The following PLAAT3 variants were observed in gnomAD, a reference collection of about 807,000 sequenced individuals.
The protein encoded by PLAAT3 is phospholipase A and acyltransferase 3.
In PLAAT3, 21 loss-of-function variants were observed where a neutral mutation model predicts 16.7. That is an observed-to-expected ratio of 1.26 (90% CI 0.89 to 1.81). The LOEUF is 1.81. Among genes scored for constraint, PLAAT3 ranks in the 40% most tolerant of loss-of-function variants. The probability of loss-of-function intolerance (pLI) is 0.00; values close to 1 mark genes in which losing one functional copy is unlikely to be tolerated. For synonymous variants in PLAAT3, 76 were observed against 81.7 expected, an observed-to-expected ratio of 0.93 and a Z score of 0.38; for missense variants, 219 against 213.7, an observed-to-expected ratio of 1.02 and a Z score of -0.16.
chr11:63,609,987 C>T (rs762419889), intron 2 of PLAAT3, among the ~76,000 whole-genome samples: 34 of 152,132 alleles, frequency 2.2e-4, no homozygotes, highest in Non-Finnish European at 4.0e-4. Context: ...TTATAAGAGC[C>T]CCATGTTACC....
At chr11:63,584,600 G>A (rs112321935) in intron 4 of PLAAT3, among the ~76,000 whole-genome samples, 3,871 of 148,802 alleles carry the variant, frequency 0.026, 178 homozygotes, top group African/African-American at 0.09. Context: ...TGCAAGCTCC[G>A]CCTCCTGGGT....
At chr11:63,576,028 T>G (rs1320621690) in intron 4 of PLAAT3, among the ~76,000 whole-genome samples, 1 of 152,032 alleles carries the variant, frequency 6.6e-6, no homozygotes, top group Non-Finnish European at 1.5e-5. Context: ...AAACAAGGGA[T>G]TGAGAGATTG....
intron 2 of PLAAT3, among the ~76,000 whole-genome samples, chr11:63,601,002 T>A (rs1336519812): frequency 6.6e-6 from 1 of 151,800 alleles, no homozygotes; most frequent in Non-Finnish European, 1.5e-5. Flanking sequence ...ATAACTTAAT[T>A]TTTTTTAAGA....
In PLAAT3 at chr11:63,582,609, CCACGA is replaced by C. The variant is rs372519434; in HGVS notation, c.387+7486_387+7490del. On this transcript the variant is annotated intron_variant, in intron 4 of 4. Transcript: ENST00000415826. ...ACAGAAAGGAAACTATCACAATTCA[CCACGA>C]CACTCAGCTGTGAGTTTTCTCATCA... Among the ~76,000 whole-genome samples the C allele has an allele frequency of 3.3e-3, 510 of 152,308 alleles. 6 individuals carry two copies. Among genetic ancestry groups the C allele is most frequent in the African/African-American group, 0.012 (491 of 41,554 alleles).
In PLAAT3 at chr11:63,613,987, G is replaced by T; in HGVS notation, c.15+13C>A. 1.1e-5 allele frequency: 15 copies of T among 1,425,288 alleles called. No homozygotes were observed. Among genetic ancestry groups the T allele is most frequent in the South Asian group, 2.3e-5 (2 of 87,248 alleles). 88.3% of individuals were successfully genotyped at this position (1,425,288 alleles called of 1,614,324 possible). A position where few individuals can be genotyped will look rare whatever the true frequency, so the allele number is the denominator to read the frequency against. Reference sequence around the variant, plus strand: ...TCCCAGCCCCGCCCAGCCCCGCCTCGCCCCGCACTTACAATGGGCGCACGC... The same window carrying T: ...TCCCAGCCCCGCCCAGCCCCGCCTCTCCCCGCACTTACAATGGGCGCACGC... On this transcript the variant is annotated intron_variant, in intron 2 of 4. Transcript: ENST00000415826.
intron 2 of PLAAT3, 100 bp downstream of exon 2, chr11:63,613,900 G>T (rs1415731465): frequency 9.2e-6 from 7 of 757,170 alleles, no homozygotes; most frequent in Non-Finnish European, 1.6e-5. Context: ...ACATCCTCGA[G>T]GCTCCTCTCT....
At chr11:63,615,144 A>ATATGTGTATATATG (rs1565259757), upstream of PLAAT3, among the ~76,000 whole-genome samples, 2 of 86,614 alleles carry the variant, frequency 2.3e-5, no homozygotes, top group East Asian at 4.4e-4. Flanking sequence ...ATATGTGTAT[A>ATATGTGTATATATG]TGTGTGTATA....
chr11:63,615,190 ATG>A (rs1286404756), upstream of PLAAT3, among the ~76,000 whole-genome samples: 7 of 37,136 alleles, frequency 1.9e-4, no homozygotes, highest in African/African-American at 3.3e-4. Flanking sequence ...GTGTATATAT[ATG>A]TGTGTATATA....
intron 2 of PLAAT3, among the ~76,000 whole-genome samples, chr11:63,605,583 C>T (rs1590698854): frequency 6.6e-6 from 1 of 151,898 alleles, no homozygotes; most frequent in African/African-American, 2.4e-5. Flanking sequence ...GACGGAGTCT[C>T]GCACTGTCGC....
At chr11:63,578,938 C>CTACA (rs1289402731) in intron 4 of PLAAT3, among the ~76,000 whole-genome samples, 2 of 151,762 alleles carry the variant, frequency 1.3e-5, no homozygotes, top group Non-Finnish European at 2.9e-5. Flanking sequence ...AACAGGCAAC[C>CTACA]TACAGAATGG....
At chr11:63,606,221 T>C (rs1280554744) in intron 2 of PLAAT3, among the ~76,000 whole-genome samples, 1 of 152,116 alleles carries the variant, frequency 6.6e-6, no homozygotes, top group Non-Finnish European at 1.5e-5. Flanking sequence ...GGCACCAATC[T>C]AGGCACCTGG....
chr11:63,596,185 A>T (rs1292048364), intron 3 of PLAAT3, among the ~76,000 whole-genome samples: 1 of 136,214 alleles, frequency 7.3e-6, no homozygotes, highest in Admixed American at 8.5e-5. Context: ...GCTTGCAGTG[A>T]GCCGAGATCG....
At chr11:63,579,896 A>C (rs552990726) in intron 4 of PLAAT3, among the ~76,000 whole-genome samples, 6 of 151,650 alleles carry the variant, frequency 4.0e-5, no homozygotes, top group East Asian at 1.9e-4. Flanking sequence ...AAAAAGAAGA[A>C]GACAATGGAG....
chr11:63,584,519 T>TTTC (rs1244524412), intron 4 of PLAAT3, among the ~76,000 whole-genome samples: 2 of 142,012 alleles, frequency 1.4e-5, no homozygotes, highest in Non-Finnish European at 3.1e-5. Flanking sequence ...TTTTTTTTTG[T>TTTC]TTTTTTTTTT....
chr11:63,591,911 A>G (rs75198594), intron 3 of PLAAT3, among the ~76,000 whole-genome samples: 2,727 of 152,276 alleles, frequency 0.018, 38 homozygotes, highest in South Asian at 0.032. Context: ...TTAAGGAGGC[A>G]CCAAATCTCA....
intron 2 of PLAAT3, among the ~76,000 whole-genome samples, chr11:63,606,766 T>G (rs1938577721): frequency 6.6e-6 from 1 of 151,710 alleles, no homozygotes; most frequent in Non-Finnish European, 1.5e-5. Flanking sequence ...GGAGTAGGCG[T>G]GCGGGGAGGG....
At chr11:63,593,007 C>T (rs887111480) in intron 3 of PLAAT3, among the ~76,000 whole-genome samples, 17 of 152,240 alleles carry the variant, frequency 1.1e-4, no homozygotes, top group African/African-American at 3.4e-4. Context: ...ACACACCTGT[C>T]CACCTGTCCA....
In PLAAT3 at chr11:63,590,155, T is replaced by C. The variant is rs1938109281; in HGVS notation, c.332A>G (p.Glu111Gly). 1 of 1,614,084 alleles carries C rather than the reference T, an allele frequency of 6.2e-7. No homozygotes were observed. Among genetic ancestry groups the C allele is most frequent in the African/African-American group, 1.3e-5 (1 of 74,938 alleles). ...CTCATTCACAAAGTGCTCGCAGTTC[T>C]CACTGGTCAGCTTGTAGAGCACCTC... is the stretch of plus-strand genomic sequence containing the variant. The part of the protein sequence containing the change: ...GQEVLYKLTS[E>G]NCEHFVNELR... The change falls in exon 4 of 5, where the codon GAG becomes GGG. Residue 111 changes from glutamate to glycine, a missense_variant. Coordinates refer to ENST00000415826, the MANE Select transcript of PLAAT3 (RefSeq NM_001128203.2).
intron 3 of PLAAT3, among the ~76,000 whole-genome samples, chr11:63,594,136 G>T (rs1357929528): frequency 6.6e-6 from 1 of 152,204 alleles, no homozygotes; most frequent in East Asian, 1.9e-4. Flanking sequence ...TAGGCTTTAG[G>T]CCTGAGCAGC....
Sources: gnomAD v4.1 joint callset for allele counts (sites outside exome capture counted in the v4.1 genomes callset) on GRCh38, gnomAD v4.1.1 for gene constraint, MANE v1.5 for transcripts, NCBI Gene and HGNC (gene_info 2026-07-23, HGNC 2026-07-21) for gene names.